The following WTAP variants were observed in gnomAD, a reference collection of about 807,000 sequenced individuals.
WTAP encodes the protein WT1 associated protein, also known as pre-mRNA-splicing regulator WTAP.
In WTAP, 8 loss-of-function variants were observed where a neutral mutation model predicts 50.0. The observed-to-expected ratio is 0.16, with a 90% confidence interval of 0.09 to 0.29. The LOEUF (loss-of-function observed/expected upper bound fraction) is 0.29, where lower values mean the gene tolerates loss of function less well. Among genes scored for constraint, WTAP ranks in the 10% least tolerant of loss-of-function variants. WTAP has a pLI of 1.00. For synonymous variants in WTAP, 194 were observed against 169.0 expected (o/e 1.15, Z -1.15); for missense variants, 295 against 470.7 (o/e 0.63, Z 3.45).
intron 6 of WTAP, among the ~76,000 whole-genome samples, chr6:159,751,582 T>C (rs1361438860): frequency 6.6e-6 from 1 of 152,232 alleles, no homozygotes; most frequent in East Asian, 1.9e-4. Flanking sequence ...AATCTGGAGC[T>C]ACAGTAGCAG....
At position 159,748,175 on chromosome 6, in the gene WTAP, C is replaced by G. The variant is rs1390587492; in HGVS notation, c.274-16C>G. ...TCCTTTGATTTGGTCGTAATTGTTT[C>G]TTTTGCTTTGCACAGACTCAAATCC... On this transcript the variant is annotated splice_polypyrimidine_tract_variant and intron_variant, in intron 5 of 7. Transcript: ENST00000621533. The surrounding 1 kb of genome is among the most constrained non-coding windows in gnomAD (Gnocchi z 5.6). 6.2e-7 allele frequency: 1 copy of G among 1,607,208 alleles called. No homozygotes were observed. Among genetic ancestry groups the G allele is most frequent in the Non-Finnish European group, 8.5e-7 (1 of 1,175,530 alleles).
intron 6 of WTAP, chr6:159,749,072 C>G: frequency 1.0e-6 from 1 of 988,830 alleles, no homozygotes; most frequent in Non-Finnish European, 1.2e-6. Flanking sequence ...TTGCTTGAGC[C>G]TTAATCAATG....
At chr6:159,726,761 A>G (rs1008687712), upstream of WTAP, 7 of 1,287,464 alleles carry the variant, frequency 5.4e-6, no homozygotes, top group African/African-American at 4.6e-5. Context: ...GTCTCCAGAG[A>G]TGTCAAGGAG....
In WTAP at chr6:159,728,419, AC is replaced by A. The variant is rs757626442; in HGVS notation, c.-9+717del. Among the ~76,000 whole-genome samples, 24 of 135,478 alleles carry A rather than the reference AC, an allele frequency of 1.8e-4. 1 individual carries two copies. Among genetic ancestry groups the A allele is most frequent in the Middle Eastern group, 7.2e-3 (2 of 278 alleles). The allele number at this position is 135,478 out of a possible 152,430, so 88.9% of individuals were successfully genotyped here. On this transcript the variant is annotated intron_variant, in intron 1 of 7. Coordinates refer to ENST00000621533, the MANE Select transcript of WTAP (RefSeq NM_001270531.2). ...GCATAACTGTGATTATGTAAAAAAA[AC>A]AAAACAAAACAAAAAAACTATTATT...
intron 5 of WTAP, among the ~76,000 whole-genome samples, chr6:159,747,188 G>T (rs1779625565): frequency 6.6e-6 from 1 of 152,186 alleles, no homozygotes; most frequent in Non-Finnish European, 1.5e-5. Flanking sequence ...TGAAGAAAAT[G>T]ATGAATTTAA....
At chr6:159,742,972 CTCCTGCCTGGGTAACAGAATAAGA>C (rs2114925988) in intron 4 of WTAP, among the ~76,000 whole-genome samples, 1 of 152,214 alleles carries the variant, frequency 6.6e-6, no homozygotes, top group South Asian at 2.1e-4. Flanking sequence ...TGCCACTGGA[CTCCTGCCTGGGTAACAGAATAAGA>C]TCCTGCCTCA....
intron 1 of WTAP, among the ~76,000 whole-genome samples, chr6:159,727,988 C>A (rs1265905287): frequency 6.6e-6 from 1 of 152,262 alleles, no homozygotes; most frequent in Non-Finnish European, 1.5e-5. Context: ...AGGATGCCCT[C>A]CCCGGGCTGA....
chr6:159,751,079 G>A (rs1187210165), intron 6 of WTAP, among the ~76,000 whole-genome samples: 3 of 152,100 alleles, frequency 2.0e-5, no homozygotes, highest in South Asian at 4.1e-4. Context: ...TGGGTTAATC[G>A]ATTTTAGGAA....
chr6:159,739,782 T>G (rs1779131875), intron 3 of WTAP, among the ~76,000 whole-genome samples: 1 of 150,412 alleles, frequency 6.6e-6, no homozygotes, highest in Non-Finnish European at 1.5e-5. Flanking sequence ...ATTTCCTACT[T>G]TCACCTTTGG....
chr6:159,753,676 C>T lies in WTAP; in HGVS notation c.607+62C>T, dbSNP rs1779900152. On this transcript the variant is annotated intron_variant, in intron 7 of 7. Coordinates refer to ENST00000621533, the MANE Select transcript of WTAP (RefSeq NM_001270531.2). The stretch of plus-strand genomic sequence containing the variant: ...CTTTGCATTGGCTTTTTAAAACTGC[C>T]AGTCATGAATATTATAGGTTAGATT... The T allele has an allele frequency of 3.9e-6, 6 of 1,533,624 alleles. No individual in the cohort carries two copies. The Admixed American group carries it at 6.0e-5, about 15-fold the overall frequency.
At chr6:159,732,274 A>G (rs975295268) in intron 1 of WTAP, among the ~76,000 whole-genome samples, 20 of 152,202 alleles carry the variant, frequency 1.3e-4, no homozygotes, top group Non-Finnish European at 2.5e-4. Flanking sequence ...AGCATCCATG[A>G]TACTTTAGTA....
At position 159,755,933 on chromosome 6, in the gene WTAP, CAA is replaced by C. The variant is rs1175978377; in HGVS notation, c.*323_*324del. 7 of 252,152 alleles carry C rather than the reference CAA, an allele frequency of 2.8e-5. No individual in the cohort carries two copies. Among genetic ancestry groups the C allele is most frequent in the Admixed American group, 1.0e-4 (2 of 19,722 alleles). The allele number at this position is 252,152 out of a possible 1,614,324, so 15.6% of individuals were successfully genotyped here. On this transcript the variant is annotated 3_prime_UTR_variant, in exon 8 of 8. Transcript: ENST00000621533. ...GGAAATTTTTCCTTAAAATACAACA[CAA>C]TGATGTCTGTATAAATCTGTCTGTT...
intron 2 of WTAP, among the ~76,000 whole-genome samples, chr6:159,738,129 A>G (rs1271361702): frequency 6.6e-6 from 1 of 152,342 alleles, no homozygotes; most frequent in East Asian, 1.9e-4. Context: ...GGGAAGAGCT[A>G]TATGCACTAT....
rs1019539555 is a variant in WTAP at position 159,756,085 on chromosome 6, C to T, written c.*474C>T. 2.0e-5 allele frequency: 3 copies of T among 153,738 alleles called. No homozygotes were observed. In the East Asian group the frequency reaches 5.8e-4, roughly 30 times the overall value. The allele number at this position is 153,738 out of a possible 1,614,324, so 9.5% of individuals were successfully genotyped here. A position where few individuals can be genotyped will look rare whatever the true frequency, so the allele number is the denominator to read the frequency against. On this transcript the variant is annotated 3_prime_UTR_variant, in exon 8 of 8. Coordinates refer to ENST00000621533, the MANE Select transcript of WTAP (RefSeq NM_001270531.2). ...TTTGCCCAGTACAGTAGTTTTTTATCACTAAAAGTTGGACTCATTGATGGA... is the reference window on the plus strand; with the variant it reads ...TTTGCCCAGTACAGTAGTTTTTTATTACTAAAAGTTGGACTCATTGATGGA...
intron 2 of WTAP, among the ~76,000 whole-genome samples, chr6:159,738,136 C>T (rs890490037): frequency 3.3e-5 from 5 of 152,322 alleles, no homozygotes; most frequent in Middle Eastern, 3.4e-3. Flanking sequence ...GCTATATGCA[C>T]TATTATCATG....
At chr6:159,736,365 A>G in intron 2 of WTAP, 70 bp downstream of exon 2, 1 of 1,219,152 alleles carries the variant, frequency 8.2e-7, no homozygotes, top group Non-Finnish European at 1.2e-6. Flanking sequence ...AGCACTTTAA[A>G]AAAAAATAGA....
rs143916457 is a variant in WTAP, at chr6:159,753,550, A to G, written c.543A>G (p.Ala181=). ...GGCAGCTGTCCCAGGGACGTATTGCACAACTTGAAGCAGAGTTGGCTTTAC... is the reference window on the plus strand; with the variant it reads ...GGCAGCTGTCCCAGGGACGTATTGCGCAACTTGAAGCAGAGTTGGCTTTAC... ...LGRQLSQGRI[A]QLEAELALQK... The change falls in exon 7 of 8, where the codon GCA becomes GCG. Residue 181 remains alanine, a synonymous_variant. Transcript: ENST00000621533. 279 of 1,614,216 alleles carry G rather than the reference A, an allele frequency of 1.7e-4. No homozygotes were observed. The East Asian group carries it at 6.1e-3, about 35-fold the overall frequency.
chr6:159,738,875 A>ATTTTG, intron 2 of WTAP, 115 bp from the exon 3 acceptor site: 1 of 649,164 alleles, frequency 1.5e-6, no homozygotes, highest in East Asian at 3.1e-5. Flanking sequence ...TCAAAAAATC[A>ATTTTG]TAATATGTAC....
intron 1 of WTAP, among the ~76,000 whole-genome samples, chr6:159,728,679 T>C (rs997636602): frequency 6.6e-6 from 1 of 152,254 alleles, no homozygotes; most frequent in Non-Finnish European, 1.5e-5. Context: ...AAAAATCTTT[T>C]CAAGATGGAT....
Sources: gnomAD v4.1 joint callset for allele counts (sites outside exome capture counted in the v4.1 genomes callset) on GRCh38, gnomAD v4.1.1 for gene constraint, Gnocchi (gnomAD v3.1) non-coding constraint, MANE v1.5 for transcripts, NCBI Gene and HGNC (gene_info 2026-07-23, HGNC 2026-07-21) for gene names.